The following PTPRN variants were observed in gnomAD, a reference collection of about 807,000 sequenced individuals.
The protein encoded by PTPRN is receptor-type tyrosine-protein phosphatase-like N.
Under a neutral mutation model 108.5 loss-of-function variants are expected in PTPRN, and 70 were observed. That is an observed-to-expected ratio of 0.65 (90% CI 0.53 to 0.79). The LOEUF (loss-of-function observed/expected upper bound fraction) is 0.79. PTPRN is among the 30% of genes least tolerant of loss of function. The pLI is 0.00. For synonymous variants in PTPRN, 496 were observed against 524.6 expected (o/e 0.95, Z 0.75); for missense variants, 1,136 against 1,295.5 (o/e 0.88, Z 1.89).
chr2:219,298,068 C>T lies in PTPRN; in HGVS notation c.1704G>A (p.Ala568=), dbSNP rs528139138. 1.3e-5 allele frequency: 21 copies of T among 1,613,878 alleles called. No homozygotes were observed. Among genetic ancestry groups the T allele is most frequent in the African/African-American group, 9.3e-5 (7 of 75,036 alleles). ...EEAAAVLPQT[A]HSTSPMRSVL... is the part of the protein sequence containing the mutation. ...CTGAGCGCATGGGTGAGGTGCTGTG[C>T]GCAGTTTGGGGAAGGACTGCAGCTG... Residue 568 remains alanine (A), a synonymous_variant, in exon 13 of 23, where the codon GCG becomes GCA. Transcript: ENST00000295718.
At chr2:219,299,529 T>C (rs1001484754) in intron 10 of PTPRN, 145 bp from the exon 11 acceptor site, 1 of 1,158,906 alleles carries the variant, frequency 8.6e-7, no homozygotes, top group Non-Finnish European at 1.3e-6. Flanking sequence ...GCAAGGAAGA[T>C]GCTGGGTGGG....
In PTPRN at chr2:219,301,590, G is replaced by A. The variant is rs543949266; in HGVS notation, c.1124C>T (p.Pro375Leu). ...QLLPKGAGRN[P>L]GGVVNVGADI... ...CCTCCCTCTGCCTGGACACTTACCCGGATTTCTTCCTGCACCCTTGGGCAG... is the reference window on the plus strand; with the variant it reads ...CCTCCCTCTGCCTGGACACTTACCCAGATTTCTTCCTGCACCCTTGGGCAG... Residue 375 changes from proline (P) to leucine (L), a missense_variant and splice_region_variant, in exon 7 of 23, where the codon CCG becomes CTG. By Grantham distance (98) the Pro-to-Leu change is moderately conservative (BLOSUM62 -3). Transcript: ENST00000295718. 25 of 1,605,326 alleles carry A rather than the reference G, an allele frequency of 1.6e-5. No homozygotes were observed. The highest frequency in any genetic ancestry group is 9.3e-5 in the African/African-American group (7 of 74,906).
At chr2:219,301,481 G>GA in intron 7 of PTPRN, 107 bp downstream of exon 7, 1 of 1,434,816 alleles carries the variant, frequency 7.0e-7, no homozygotes, top group Non-Finnish European at 9.5e-7. Flanking sequence ...TCTTTCCCCT[G>GA]AAGCCTGACT....
chr2:219,300,898 G>T (rs1276822382), intron 8 of PTPRN, 45 bp downstream of exon 8: 8 of 1,600,714 alleles, frequency 5.0e-6, no homozygotes, highest in South Asian at 2.2e-5. Flanking sequence ...AAGGGGGCGT[G>T]CTGCCATGGG....
Position 219,302,731 on chromosome 2 carries a change from C to T in PTPRN, c.484G>A (p.Val162Met). Reference sequence around the variant, plus strand: ...CTGGCCCCAGCTCCACCTTTGCCCACTGGTGGTTGTGGAAGCCGATGCTGG... The same window carrying T: ...CTGGCCCCAGCTCCACCTTTGCCCATTGGTGGTTGTGGAAGCCGATGCTGG... ...AAQHRLPQPPVGKGGAGASSS... is the reference protein window; with the variant it reads ...AAQHRLPQPPMGKGGAGASSS... Residue 162 changes from valine to methionine, a missense_variant, in exon 5 of 23, where the codon GTG becomes ATG. Physicochemically the swap from Val to Met is conservative, Grantham distance 21. Coordinates refer to ENST00000295718, the MANE Select transcript of PTPRN (RefSeq NM_002846.4). 6.2e-7 allele frequency: 1 copy of T among 1,613,514 alleles called. No homozygotes were observed. The highest frequency in any genetic ancestry group is 8.5e-7 in the Non-Finnish European group (1 of 1,179,862).
At position 219,297,841 on chromosome 2, in the gene PTPRN, C is replaced by A; in HGVS notation, c.1887+44G>T. On this transcript the variant is annotated intron_variant, in intron 13 of 22. Transcript: ENST00000295718. This position sits in a 1 kb window ranked among gnomAD's most constrained non-coding sequence, Gnocchi z 6.0. ...TCCACGCAAGACCCAGACTCCCAGG[C>A]CCCTTGCATTTCCTTTGCTCAATCA... 6.5e-7 allele frequency: 1 copy of A among 1,549,052 alleles called. No individual in the cohort carries two copies.
Position 219,300,114 on chromosome 2 carries a change from G to A in PTPRN, c.1307C>T (p.Ala436Val), listed in dbSNP as rs1952305686. 6.2e-7 allele frequency: 1 copy of A among 1,613,986 alleles called. No individual in the cohort carries two copies. Among genetic ancestry groups the A allele is most frequent in the South Asian group, 1.1e-5 (1 of 91,082 alleles). ...SPVSSEPPKA[A>V]RPPVTPVLLE... ...CAGGACAGGTGTCACAGGGGGTCTG[G>A]CAGCTTTGGGAGGCTCAGAGGAGAC... The change falls in exon 9 of 23, where the codon GCC (alanine) becomes GTC (valine). Residue 436 changes from alanine to valine, a missense_variant. Coordinates refer to ENST00000295718, the MANE Select transcript of PTPRN (RefSeq NM_002846.4).
In PTPRN at chr2:219,297,022, G is replaced by A. The variant is rs769090812; in HGVS notation, c.2199C>T (p.Gly733=). ...CAGGATGCCGGTTCTTTTTGATGTTGCCCTCCCCCTGCGCGGTGGCACAGG... is the reference window on the plus strand; with the variant it reads ...CAGGATGCCGGTTCTTTTTGATGTTACCCTCCCCCTGCGCGGTGGCACAGG... The part of the protein sequence containing the change: ...PNTCATAQGE[G]NIKKNRHPDF... Residue 733 remains glycine, a synonymous_variant, in exon 15 of 23, where the codon GGC becomes GGT. Coordinates refer to ENST00000295718, the MANE Select transcript of PTPRN (RefSeq NM_002846.4). The surrounding 1 kb of genome is among the most constrained non-coding windows in gnomAD (Gnocchi z 6.0). 2.5e-6 allele frequency: 4 copies of A among 1,613,942 alleles called. No individual in the cohort carries two copies. The highest frequency in any genetic ancestry group is 3.4e-6 in the Non-Finnish European group (4 of 1,180,020).
At position 219,299,327 on chromosome 2, in the gene PTPRN, CAA is replaced by C; in HGVS notation, c.1579_1580del (p.Leu527GlyfsTer2). On this transcript the variant is annotated frameshift_variant, in exon 11 of 23. Transcript: ENST00000295718. LOFTEE classifies it high-confidence loss of function. The stretch of plus-strand genomic sequence containing the variant: ...TACCTGCTTGTTGGGTCACATCAGC[CAA>C]AGACAGGTTCTGCTCATTGTGCCGG... ...RIRHNEQNLS[L>X]ADVTQQAGLV... 1 of 1,614,226 alleles carries C rather than the reference CAA, an allele frequency of 6.2e-7. No homozygotes were observed. The highest frequency in any genetic ancestry group is 8.5e-7 in the Non-Finnish European group (1 of 1,180,044).
At chr2:219,304,013 C>A (rs1952422584) in intron 3 of PTPRN, 182 bp from the exon 4 acceptor site, 4 of 464,954 alleles carry the variant, frequency 8.6e-6, no homozygotes, top group Non-Finnish European at 1.5e-5. Flanking sequence ...CTATTGGAGC[C>A]AGACCACCTG....
intron 19 of PTPRN, among the ~76,000 whole-genome samples, chr2:219,293,832 G>A (rs1952107344): frequency 6.6e-6 from 1 of 152,248 alleles, no homozygotes; most frequent in African/African-American, 2.4e-5. Context: ...GAAGGGCGCA[G>A]TGTGGGTGGG....
In PTPRN at chr2:219,296,579, C is replaced by T. The variant is rs557124646; in HGVS notation, c.2311-63G>A. On this transcript the variant is annotated intron_variant, in intron 16 of 22. Transcript: ENST00000295718. This position sits in a 1 kb window ranked among gnomAD's most constrained non-coding sequence, Gnocchi z 6.0. ...AAATGCCACTATGGACAGGCGTGGT[C>T]AGAGCAAGTGGGTCAGGGTCTGAGA... is the stretch of plus-strand genomic sequence containing the variant. 6.9e-6 allele frequency: 11 copies of T among 1,599,858 alleles called. No individual in the cohort carries two copies. The South Asian group carries it at 1.1e-4, about 16-fold the overall frequency.
At position 219,298,228 on chromosome 2, in the gene PTPRN, G is replaced by C. The variant is rs1453167693; in HGVS notation, c.1669-125C>G. 1.9e-5 allele frequency: 17 copies of C among 908,168 alleles called. No homozygotes were observed. The South Asian group carries it at 2.5e-4, about 14-fold the overall frequency. The allele number at this position is 908,168 out of a possible 1,614,324, so 56.3% of individuals were successfully genotyped here. A position where few individuals can be genotyped will look rare whatever the true frequency, so the allele number is the denominator to read the frequency against. The stretch of plus-strand genomic sequence containing the variant: ...TCCTGGGGCAAAGCTGGGAGATTAG[G>C]GGTATGGTGGTACAGCCAGATGGGC... On this transcript the variant is annotated intron_variant, in intron 12 of 22. Coordinates refer to ENST00000295718, the MANE Select transcript of PTPRN (RefSeq NM_002846.4).
At chr2:219,307,182 T>C (rs1162037783) in intron 3 of PTPRN, 2 of 385,452 alleles carry the variant, frequency 5.2e-6, no homozygotes, top group African/African-American at 2.0e-5. Context: ...ACTCAGACAA[T>C]GCCAGTGAGA....
At chr2:219,292,842 C>T (rs1198752415) in intron 19 of PTPRN, 2 of 152,308 alleles carry the variant, frequency 1.3e-5, no homozygotes, top group East Asian at 1.9e-4. Flanking sequence ...GCAATAGATT[C>T]TCACAGAAGT....
At chr2:219,306,691 T>A (rs1952493334) in intron 3 of PTPRN, among the ~76,000 whole-genome samples, 1 of 152,202 alleles carries the variant, frequency 6.6e-6, no homozygotes, top group Admixed American at 6.5e-5. Context: ...TCTCCATCAG[T>A]CTTCTACAGT....
intron 6 of PTPRN, 28 bp downstream of exon 6, chr2:219,302,109 G>A: frequency 2.0e-6 from 3 of 1,531,836 alleles, no homozygotes; most frequent in Non-Finnish European, 2.6e-6. Flanking sequence ...AGCCCTCACA[G>A]GGAGGTGGAT....
Position 219,301,656 on chromosome 2 carries a change from G to C in PTPRN, c.1058C>G (p.Thr353Ser). Residue 353 changes from threonine to serine, a missense_variant, in exon 7 of 23, where the codon ACC (threonine) becomes AGC (serine). Coordinates refer to ENST00000295718, the MANE Select transcript of PTPRN (RefSeq NM_002846.4). Reference sequence around the variant, plus strand: ...CAGGAGTGTGGAGAGCTGCTCAGGGGTCAGCTGACGCAGCTCTACCCCATA... The same window carrying C: ...CAGGAGTGTGGAGAGCTGCTCAGGGCTCAGCTGACGCAGCTCTACCCCATA... The part of the protein sequence containing the change: ...AGYGVELRQL[T>S]PEQLSTLLTL... 6.2e-7 allele frequency: 1 copy of C among 1,613,664 alleles called. No homozygotes were observed. The highest frequency in any genetic ancestry group is 8.5e-7 in the Non-Finnish European group (1 of 1,179,594).
At chr2:219,308,605 G>A (rs1284001219) in intron 1 of PTPRN, among the ~76,000 whole-genome samples, 3 of 134,178 alleles carry the variant, frequency 2.2e-5, no homozygotes, top group Admixed American at 8.6e-5. Context: ...GTCTCTGTCC[G>A]CACAGATGTG....
Sources: allele counts gnomAD v4.1 joint callset (sites outside exome capture counted in the v4.1 genomes callset), GRCh38; gene constraint gnomAD v4.1.1; non-coding constraint Gnocchi (gnomAD v3.1); transcripts MANE v1.5; gene names NCBI Gene and HGNC (gene_info 2026-07-23, HGNC 2026-07-21).